PLCB4: variants seen among roughly 807,000 people sequenced by gnomAD.
The protein encoded by PLCB4 is phospholipase C beta 4.
In PLCB4, 77 loss-of-function variants were observed where a neutral mutation model predicts 178.8. The observed-to-expected ratio is 0.43, with a 90% CI of 0.36 to 0.52. The LOEUF (loss-of-function observed/expected upper bound fraction) is 0.52, where lower values mean the gene tolerates loss of function less well. Among genes scored for constraint, PLCB4 ranks in the 20% least tolerant of loss-of-function variants. PLCB4 has a pLI of 0.00. For missense variants in PLCB4, 1,024 were observed against 1,453.4 expected (o/e 0.70, Z 4.80); for synonymous variants, 496 against 490.8 (o/e 1.01, Z -0.14).
At chr20:9,431,650 T>TGTGTG (rs2041413830) in intron 28 of PLCB4, among the ~76,000 whole-genome samples, 5 of 144,160 alleles carry the variant, frequency 3.5e-5, no homozygotes, top group Non-Finnish European at 6.1e-5. Context: ...GTGTGTGTGT[T>TGTGTG]TGTGTGTGTG....
intron 1 of PLCB4, among the ~76,000 whole-genome samples, chr20:9,076,088 C>G (rs368570026): frequency 1.1e-4 from 16 of 152,178 alleles, no homozygotes; most frequent in Middle Eastern, 3.4e-3. Context: ...TCCCTATACC[C>G]TATTTTTCCA....
At chr20:9,116,465 A>G (rs1241521042) in intron 2 of PLCB4, among the ~76,000 whole-genome samples, 1 of 152,138 alleles carries the variant, frequency 6.6e-6, no homozygotes, top group Non-Finnish European at 1.5e-5. Flanking sequence ...GCCCAGTTCT[A>G]TTCCATTAGT....
At chr20:9,381,617 A>G (rs528402319) in intron 13 of PLCB4, among the ~76,000 whole-genome samples, 17 of 152,294 alleles carry the variant, frequency 1.1e-4, no homozygotes, top group African/African-American at 3.8e-4. Context: ...GTGACCATTG[A>G]CACATCTAAA....
At chr20:9,234,257 C>G (rs1021598137) in intron 3 of PLCB4, among the ~76,000 whole-genome samples, 1 of 151,994 alleles carries the variant, frequency 6.6e-6, no homozygotes, top group Non-Finnish European at 1.5e-5. Context: ...GCTTTGTATG[C>G]TTATTGAGTG....
chr20:9,252,963 G>A (rs1332309201), intron 3 of PLCB4, among the ~76,000 whole-genome samples: 1 of 152,182 alleles, frequency 6.6e-6, no homozygotes, highest in Non-Finnish European at 1.5e-5. Context: ...ACAGACAGAA[G>A]ATTGTGGGAC....
rs576679481 is a variant in PLCB4, at chr20:9,428,438, C to T, written c.2524+4486C>T. Among the ~76,000 whole-genome samples the T allele has an allele frequency of 5.9e-5, 9 of 152,278 alleles. No individual in the cohort carries two copies. In the South Asian group the frequency reaches 1.7e-3, roughly 28 times the overall value. On this transcript the variant is annotated intron_variant, in intron 28 of 39. Coordinates refer to ENST00000378473, the MANE Select transcript of PLCB4 (RefSeq NM_001377142.1). ...CAAATTTAAACAGGCTTATCTATTGCATGGCTCCTGGGATGTATGGTGAAT... is the reference window on the plus strand; with the variant it reads ...CAAATTTAAACAGGCTTATCTATTGTATGGCTCCTGGGATGTATGGTGAAT...
At chr20:9,457,603 C>G (rs2043136966) in intron 34 of PLCB4, 114 bp downstream of exon 34, 1 of 672,536 alleles carries the variant, frequency 1.5e-6, no homozygotes, top group South Asian at 1.7e-5. Context: ...GGTCTAGTAG[C>G]CTGCAGCTGA....
At chr20:9,450,805 T>C (rs4816138) in intron 32 of PLCB4, among the ~76,000 whole-genome samples, 33,390 of 151,366 alleles carry the variant, frequency 0.22, 4,149 homozygotes, top group East Asian at 0.36. Flanking sequence ...TGCACCACCA[T>C]GCCCGGCTAA....
At chr20:9,110,598 T>C (rs576502328) in intron 2 of PLCB4, among the ~76,000 whole-genome samples, 7 of 152,310 alleles carry the variant, frequency 4.6e-5, no homozygotes, top group African/African-American at 1.2e-4. Flanking sequence ...TTTATTTTCA[T>C]AGGACACCAG....
intron 3 of PLCB4, among the ~76,000 whole-genome samples, chr20:9,277,739 G>T (rs1282276009): frequency 6.6e-6 from 1 of 151,882 alleles, no homozygotes; most frequent in East Asian, 1.9e-4. Flanking sequence ...ATGACCGAGG[G>T]TACCCAAGTA....
At chr20:9,322,668 T>A (rs1296459290) in intron 4 of PLCB4, among the ~76,000 whole-genome samples, 1 of 152,220 alleles carries the variant, frequency 6.6e-6, no homozygotes, top group South Asian at 2.1e-4. Context: ...TTTGTAGACA[T>A]GTGAAAAGGA....
At chr20:9,381,166 T>C (rs1277430399) in intron 13 of PLCB4, among the ~76,000 whole-genome samples, 1 of 152,212 alleles carries the variant, frequency 6.6e-6, no homozygotes, top group Non-Finnish European at 1.5e-5. Context: ...TCTGTCAATA[T>C]TCTGAATATC....
intron 3 of PLCB4, among the ~76,000 whole-genome samples, chr20:9,286,735 C>G (rs1568525835): frequency 6.6e-6 from 1 of 152,090 alleles, no homozygotes; most frequent in East Asian, 1.9e-4. Flanking sequence ...ATAGAGGATT[C>G]TAATCAACTG....
Position 9,097,227 on chromosome 20 carries a change from C to T in PLCB4, c.-79+885C>T, listed in dbSNP as rs2090948544. Among the ~76,000 whole-genome samples, 5 of 143,826 alleles carry T rather than the reference C, an allele frequency of 3.5e-5. No homozygotes were observed. In the South Asian group the frequency reaches 1.1e-3, roughly 32 times the overall value. The allele number at this position is 143,826 out of a possible 152,430, so 94.4% of individuals were successfully genotyped here. On this transcript the variant is annotated intron_variant, in intron 2 of 39. Coordinates refer to ENST00000378473, the MANE Select transcript of PLCB4 (RefSeq NM_001377142.1). ...TGGGATTATGGGTGTGAGCCACAGC[C>T]TGGCCTTTTTTTTTTTTTTTTTTTT... is the stretch of plus-strand genomic sequence containing the variant.
intron 2 of PLCB4, among the ~76,000 whole-genome samples, chr20:9,215,469 A>T (rs1000414793): frequency 2.0e-5 from 3 of 152,172 alleles, no homozygotes; most frequent in Non-Finnish European, 4.4e-5. Flanking sequence ...TATGTGGATT[A>T]TAAATGATGA....
chr20:9,264,093 C>A (rs562979165), intron 3 of PLCB4, among the ~76,000 whole-genome samples: 6 of 152,102 alleles, frequency 3.9e-5, no homozygotes, highest in Non-Finnish European at 7.3e-5. Flanking sequence ...CTAGATAATT[C>A]TGTATTAAGT....
intron 2 of PLCB4, among the ~76,000 whole-genome samples, chr20:9,209,102 C>T (rs564458062): frequency 4.8e-4 from 73 of 152,262 alleles, no homozygotes; most frequent in African/African-American, 1.6e-3. Flanking sequence ...TGTCACTTTT[C>T]TAGACATCTA....
intron 4 of PLCB4, among the ~76,000 whole-genome samples, chr20:9,336,399 C>T (rs1420245489): frequency 6.6e-6 from 1 of 152,186 alleles, no homozygotes; most frequent in East Asian, 1.9e-4. Context: ...ATTGCTTCTT[C>T]ATTCAAACGT....
chr20:9,317,224 T>C (rs2094909017), intron 4 of PLCB4, among the ~76,000 whole-genome samples: 2 of 152,214 alleles, frequency 1.3e-5, no homozygotes, highest in Non-Finnish European at 2.9e-5. Context: ...TTTCAAGTAA[T>C]TATTTTTACT....
Sources: gnomAD v4.1 joint callset for allele counts (sites outside exome capture counted in the v4.1 genomes callset) on GRCh38, gnomAD v4.1.1 for gene constraint, MANE v1.5 for transcripts, NCBI Gene and HGNC (gene_info 2026-07-23, HGNC 2026-07-21) for gene names.